Variants in MCF2L observed in about 807,000 individuals in gnomAD.
MCF2L encodes MCF.2 cell line derived transforming sequence like, also known as guanine nucleotide exchange factor DBS.
A neutral mutation model predicts 153.4 loss-of-function variants in MCF2L; 97 were observed. The ratio of observed to expected loss-of-function variants is 0.63; its 90% CI spans 0.54 to 0.75. MCF2L has a LOEUF of 0.75. Among genes scored for constraint, MCF2L ranks in the 30% least tolerant of loss-of-function variants. The pLI, the probability that MCF2L is intolerant of heterozygous loss-of-function variation, is 0.00. For synonymous variants in MCF2L, 659 were observed against 632.2 expected, an observed-to-expected ratio of 1.04 and a Z score of -0.64; for missense variants, 1,347 against 1,495.2, an observed-to-expected ratio of 0.90 and a Z score of 1.64.
At chr13:112,896,795 G>A (rs2081072057) in intron 1 of MCF2L, among the ~76,000 whole-genome samples, 1 of 152,224 alleles carries the variant, frequency 6.6e-6, no homozygotes, top group Non-Finnish European at 1.5e-5. Flanking sequence ...CTGCATCTTG[G>A]TGACAGCATC....
chr13:112,917,728 G>A (rs1046222015), intron 2 of MCF2L, among the ~76,000 whole-genome samples: 5 of 152,222 alleles, frequency 3.3e-5, no homozygotes, highest in African/African-American at 1.2e-4. Flanking sequence ...TGACCTGGAG[G>A]TACTTCCACT....
At chr13:112,936,934 A>G (rs921551451) in intron 2 of MCF2L, among the ~76,000 whole-genome samples, 2 of 152,272 alleles carry the variant, frequency 1.3e-5, no homozygotes, top group Non-Finnish European at 2.9e-5. Context: ...TGCTCAGTAC[A>G]GATGCAACAG....
intron 13 of MCF2L, among the ~76,000 whole-genome samples, 189 bp from the exon 14 acceptor site, chr13:113,078,174 G>T (rs572291928): frequency 6.6e-6 from 1 of 151,976 alleles, no homozygotes; most frequent in Non-Finnish European, 1.5e-5. Flanking sequence ...CACCACCTGT[G>T]GCCCCAGAGG....
intron 29 of MCF2L, 27 bp downstream of exon 29, chr13:113,096,680 C>A: frequency 6.4e-7 from 1 of 1,563,606 alleles, no homozygotes; most frequent in South Asian, 1.2e-5. Flanking sequence ...CCGAGCCCAC[C>A]CGTGACGCTG....
intron 9 of MCF2L, among the ~76,000 whole-genome samples, chr13:113,073,963 C>T (rs1465186604): frequency 6.6e-6 from 1 of 152,142 alleles, no homozygotes; most frequent in East Asian, 1.9e-4. Context: ...CTATGACACC[C>T]ATTGTCTTCC....
chr13:112,979,100 G>A (rs541722340), intron 1 of MCF2L, among the ~76,000 whole-genome samples: 3 of 152,326 alleles, frequency 2.0e-5, no homozygotes, highest in South Asian at 4.1e-4. Flanking sequence ...TTCCTCCCTC[G>A]AGGAGCTCGG....
At chr13:112,938,597 G>A (rs1187809807) in intron 2 of MCF2L, among the ~76,000 whole-genome samples, 2 of 152,134 alleles carry the variant, frequency 1.3e-5, no homozygotes, top group Admixed American at 6.5e-5. Flanking sequence ...AAGAGAAGAC[G>A]CTTTTTCTTT....
At chr13:113,096,184 G>C in intron 27 of MCF2L, 187 bp from the exon 28 acceptor site, 1 of 602,366 alleles carries the variant, frequency 1.7e-6, no homozygotes, top group Non-Finnish European at 2.9e-6. Context: ...GCCTTCCATC[G>C]CCGCTGCGGT....
intron 2 of MCF2L, among the ~76,000 whole-genome samples, chr13:112,948,488 T>A (rs2081659483): frequency 6.6e-6 from 1 of 152,252 alleles, no homozygotes; most frequent in African/African-American, 2.4e-5. Flanking sequence ...AAGCTCTGCC[T>A]TCCACAAAGT....
At chr13:112,980,121 C>T (rs1320808497) in intron 1 of MCF2L, among the ~76,000 whole-genome samples, 5 of 152,176 alleles carry the variant, frequency 3.3e-5, no homozygotes, top group South Asian at 2.1e-4. Flanking sequence ...GTGTCCTTTG[C>T]ATCACAAGAG....
At chr13:113,075,592 C>G (rs756450390) in intron 11 of MCF2L, among the ~76,000 whole-genome samples, 12 of 152,178 alleles carry the variant, frequency 7.9e-5, no homozygotes, top group Non-Finnish European at 1.3e-4. Flanking sequence ...ACCTTCACCT[C>G]TCAGAGTGCT....
intron 4 of MCF2L, among the ~76,000 whole-genome samples, chr13:113,057,350 G>A (rs1425448786): frequency 6.7e-6 from 1 of 149,748 alleles, no homozygotes; most frequent in African/African-American, 2.5e-5. Context: ...GGTGCTGTGT[G>A]GGCGCTGAGT....
rs1355891484 is a variant in MCF2L, at chr13:113,012,062, A to G, written c.80-2701A>G. On this transcript the variant is annotated intron_variant, in intron 1 of 29. Coordinates refer to ENST00000535094, the MANE Select transcript of MCF2L (RefSeq NM_001112732.3). ...TGTGGACGGTGGACACTGCAGTGTG[A>G]ATGGTGGACAGGTGGTGTGGACAGT... 2.0e-3 allele frequency among the ~76,000 whole-genome samples: 163 copies of G among 82,204 alleles called. 3 individuals are homozygous for G. The highest frequency in any genetic ancestry group is 8.9e-3 in the Middle Eastern group (1 of 112). The allele number at this position is 82,204 out of a possible 152,430, so 53.9% of individuals were successfully genotyped here. A position where few individuals can be genotyped will look rare whatever the true frequency, so the allele number is the denominator to read the frequency against.
chr13:112,911,432 G>T (rs1030747946), intron 2 of MCF2L, among the ~76,000 whole-genome samples: 3 of 152,194 alleles, frequency 2.0e-5, no homozygotes, highest in Non-Finnish European at 4.4e-5. Flanking sequence ...CTAGTCCTGT[G>T]CGCCCACCAG....
chr13:112,914,926 G>A (rs1407926291), intron 2 of MCF2L, among the ~76,000 whole-genome samples: 1 of 151,740 alleles, frequency 6.6e-6, no homozygotes, highest in Non-Finnish European at 1.5e-5. Context: ...GTATTTGGGG[G>A]CTTCTGGATT....
At chr13:113,079,943 A>G (rs34358055) in intron 15 of MCF2L, among the ~76,000 whole-genome samples, 1,950 of 43,218 alleles carry the variant, frequency 0.045, no homozygotes, top group Non-Finnish European at 0.072. Context: ...AGGAGTGTCC[A>G]TACCGAGGAG....
In MCF2L at chr13:113,096,861, G is replaced by A. The variant is rs2035715237; in HGVS notation, c.*2G>A. The A allele has an allele frequency of 7.0e-7, 1 of 1,427,098 alleles. No individual in the cohort carries two copies. The highest frequency in any genetic ancestry group is 1.5e-5 in the South Asian group (1 of 67,200). 88.4% of individuals were successfully genotyped at this position (1,427,098 alleles called of 1,614,324 possible). On this transcript the variant is annotated 3_prime_UTR_variant, in exon 30 of 30. Transcript: ENST00000535094. ...CCCTTCTCCGACCTGCAGGGGTAGC[G>A]CGGCCTCGGCGCCGGAGACCCGCGC...
intron 3 of MCF2L, among the ~76,000 whole-genome samples, chr13:113,039,249 C>G (rs1230144202): frequency 6.6e-6 from 1 of 152,130 alleles, no homozygotes; most frequent in African/African-American, 2.4e-5. Flanking sequence ...GATTGGCTGT[C>G]TGTGTGGGAA....
intron 2 of MCF2L, chr13:112,957,990 A>C (rs2081779264): frequency 6.6e-6 from 1 of 152,246 alleles, no homozygotes; most frequent in Non-Finnish European, 1.5e-5. Flanking sequence ...TAACTTGGTT[A>C]GATTTTCCTA....
Sources: allele counts gnomAD v4.1 joint callset (sites outside exome capture counted in the v4.1 genomes callset), GRCh38; gene constraint gnomAD v4.1.1; transcripts MANE v1.5; gene names NCBI Gene and HGNC (gene_info 2026-07-23, HGNC 2026-07-21).